The following EDARADD variants were observed in gnomAD, a reference collection of about 807,000 sequenced individuals.
The protein encoded by EDARADD is EDAR associated via death domain, also known as ectodysplasin-A receptor-associated adapter protein.
Under a neutral mutation model 25.6 loss-of-function variants are expected in EDARADD, and 20 were observed. The ratio of observed to expected loss-of-function variants is 0.78; its 90% confidence interval spans 0.55 to 1.14. EDARADD has a LOEUF of 1.14. EDARADD is among the 50% of genes most tolerant of loss of function. The pLI, the probability that EDARADD is intolerant of heterozygous loss-of-function variation, is 0.00. For missense variants in EDARADD, 225 were observed against 270.1 expected (o/e 0.83, Z 1.17); for synonymous variants, 86 against 94.4 (o/e 0.91, Z 0.52).
chr1:236,390,282 G>C (rs1194068087), upstream of EDARADD, among the ~76,000 whole-genome samples: 1 of 152,150 alleles, frequency 6.6e-6, no homozygotes, highest in Non-Finnish European at 1.5e-5. Flanking sequence ...ATGGCCGGGC[G>C]TGGTGGCTCA....
At chr1:236,367,089 A>C (rs1667119391) in intron 3 of EDARADD, among the ~76,000 whole-genome samples, 1 of 148,652 alleles carries the variant, frequency 6.7e-6, no homozygotes, top group Non-Finnish European at 1.5e-5. Context: ...ATCGCCAAAA[A>C]AAAAAAAAAA....
rs537189248 is a variant in EDARADD, at chr1:236,432,927, C to CAA, written c.219+5489_219+5490dup. On this transcript the variant is annotated intron_variant, in intron 4 of 5. Coordinates refer to ENST00000334232, the MANE Select transcript of EDARADD (RefSeq NM_145861.4). ...AGCATGGATGACAGAGCAAGACTCT[C>CAA]AAAAAAAAAAAAAGAAAGAAAGAAA... 5.1e-3 allele frequency among the ~76,000 whole-genome samples: 570 copies of CAA among 110,896 alleles called. 4 individuals are homozygous for CAA. The highest frequency in any genetic ancestry group is 0.017 in the African/African-American group (521 of 30,334). 72.8% of individuals were successfully genotyped at this position (110,896 alleles called of 152,430 possible).
At chr1:236,354,752 T>C (rs984729733) in intron 3 of EDARADD, among the ~76,000 whole-genome samples, 4 of 152,168 alleles carry the variant, frequency 2.6e-5, no homozygotes, top group Non-Finnish European at 5.9e-5. Flanking sequence ...TTTCAGCAAA[T>C]TGTAGAGACT....
Position 236,427,432 on chromosome 1 carries a change from T to C in EDARADD, c.201T>C (p.Asn67=). 1 of 1,612,288 alleles carries C rather than the reference T, an allele frequency of 6.2e-7. No individual in the cohort carries two copies. The highest frequency in any genetic ancestry group is 8.5e-7 in the Non-Finnish European group (1 of 1,179,330). Reference sequence around the variant, plus strand: ...CAATTACTTTGAACTGCCCACGAAATTCAGATATGAAAAATCAGGTAAGAA... The same window carrying C: ...CAATTACTTTGAACTGCCCACGAAACTCAGATATGAAAAATCAGGTAAGAA... ...CDTITLNCPR[N]SDMKNQGEEN... is the part of the protein sequence containing the mutation. The change falls in exon 4 of 6, where the codon AAT becomes AAC. Residue 67 remains asparagine (N), a synonymous_variant. Transcript: ENST00000334232.
chr1:236,379,548 G>A (rs1667273608), intron 3 of EDARADD, among the ~76,000 whole-genome samples: 1 of 151,986 alleles, frequency 6.6e-6, no homozygotes, highest in Non-Finnish European at 1.5e-5. Flanking sequence ...GGAGGCCGAG[G>A]CGGGCAGATC....
At position 236,425,634 on chromosome 1, in the gene EDARADD, G is replaced by A. The variant is rs141850092; in HGVS notation, c.161-1758G>A. Among the ~76,000 whole-genome samples the A allele has an allele frequency of 1.4e-3, 219 of 152,316 alleles. 1 individual carries two copies. The highest frequency in any genetic ancestry group is 0.01 in the Middle Eastern group (3 of 294). On this transcript the variant is annotated intron_variant, in intron 3 of 5. Transcript: ENST00000334232. ...GATAAGTGGGACTTAAGCAGCAACC[G>A]GTTAGGGGGATGTGCTACCACCGTC...
intron 3 of EDARADD, among the ~76,000 whole-genome samples, chr1:236,379,326 T>TG (rs1667267194): frequency 6.6e-6 from 1 of 151,894 alleles, no homozygotes; most frequent in African/African-American, 2.4e-5. Flanking sequence ...GCCCAGATCA[T>TG]GCCACTGCAC....
intron 5 of EDARADD, among the ~76,000 whole-genome samples, chr1:236,474,255 C>T (rs1659446434): frequency 6.6e-6 from 1 of 152,214 alleles, no homozygotes; most frequent in Admixed American, 6.5e-5. Flanking sequence ...TTCATTGTCA[C>T]TTCATCATGA....
chr1:236,394,265 T>C (rs1373709888), upstream of EDARADD: 2 of 630,784 alleles, frequency 3.2e-6, no homozygotes, highest in African/African-American at 1.8e-5. Context: ...TTAAAAAAAA[T>C]TTCCCTTCCT....
At chr1:236,390,690 G>T (rs1295918298), upstream of EDARADD, among the ~76,000 whole-genome samples, 2 of 152,158 alleles carry the variant, frequency 1.3e-5, no homozygotes, top group African/African-American at 2.4e-5. Flanking sequence ...GTATCAAAAG[G>T]ATTAAAGGGT....
In EDARADD at chr1:236,395,354, C is replaced by T; in HGVS notation, c.61+849C>T. 5.2e-6 allele frequency: 7 copies of T among 1,334,020 alleles called. No individual in the cohort carries two copies. The highest frequency in any genetic ancestry group is 1.6e-5 in the South Asian group (1 of 61,556). The allele number at this position is 1,334,020 out of a possible 1,614,324, so 82.6% of individuals were successfully genotyped here. On this transcript the variant is annotated intron_variant, in intron 1 of 5. Coordinates refer to ENST00000334232, the MANE Select transcript of EDARADD (RefSeq NM_145861.4). This position sits in a 1 kb window ranked among gnomAD's most constrained non-coding sequence, Gnocchi z 6.9. ...GTCCCAGCCCCGGGTCGCGGCACCCCGGCTCCCGCCCCGCGCCTCTGGAGG... is the reference window on the plus strand; with the variant it reads ...GTCCCAGCCCCGGGTCGCGGCACCCTGGCTCCCGCCCCGCGCCTCTGGAGG...
At chr1:236,353,341 C>T (rs900974177) in intron 3 of EDARADD, among the ~76,000 whole-genome samples, 3 of 152,272 alleles carry the variant, frequency 2.0e-5, no homozygotes, top group Admixed American at 1.3e-4. Context: ...GATTATTGGA[C>T]ACCCACTGTG....
intron 4 of EDARADD, among the ~76,000 whole-genome samples, chr1:236,430,259 T>C (rs1401169254): frequency 1.3e-5 from 2 of 152,240 alleles, no homozygotes; most frequent in Non-Finnish European, 2.9e-5. Flanking sequence ...GCTTCTGTGC[T>C]TACTGAATTT....
Position 236,484,435 on chromosome 1 carries a change from C to T in EDARADD, c.*1786C>T, listed in dbSNP as rs914741820. On this transcript the variant is annotated 3_prime_UTR_variant, in exon 6 of 6. Coordinates refer to ENST00000334232, the MANE Select transcript of EDARADD (RefSeq NM_145861.4). This position sits in a 1 kb window ranked among gnomAD's most constrained non-coding sequence, Gnocchi z 4.1. ...GAGCTGGGCAGCAAGGCTAAGTTTG[C>T]CGGCAGGAACTTCAGAAACCCCCCA... 6.8e-6 allele frequency: 11 copies of T among 1,609,820 alleles called. No homozygotes were observed. Among genetic ancestry groups the T allele is most frequent in the Non-Finnish European group, 9.3e-6 (11 of 1,177,970 alleles).
intron 5 of EDARADD, among the ~76,000 whole-genome samples, chr1:236,472,989 G>A (rs754459171): frequency 1.3e-5 from 2 of 152,082 alleles, no homozygotes; most frequent in African/African-American, 4.8e-5. Context: ...AGCTCTTTTC[G>A]GGCTGCTAAG....
intron 4 of EDARADD, among the ~76,000 whole-genome samples, chr1:236,444,241 C>T (rs1658474989): frequency 6.6e-6 from 1 of 151,844 alleles, no homozygotes; most frequent in South Asian, 2.1e-4. Flanking sequence ...GTTTTATTAA[C>T]TATGTTTTAT....
intron 3 of EDARADD, among the ~76,000 whole-genome samples, chr1:236,419,260 G>A (rs1657718834): frequency 6.6e-6 from 1 of 152,118 alleles, no homozygotes; most frequent in Non-Finnish European, 1.5e-5. Flanking sequence ...TGAGTGTAGT[G>A]GTGCACACCT....
chr1:236,421,101 C>T (rs1235837176), intron 3 of EDARADD, among the ~76,000 whole-genome samples: 1 of 147,158 alleles, frequency 6.8e-6, no homozygotes, highest in African/African-American at 2.5e-5. Flanking sequence ...CTTAGGGTTA[C>T]AGGGATGGCC....
chr1:236,471,141 T>G (rs1275446311), intron 5 of EDARADD, among the ~76,000 whole-genome samples: 1 of 152,206 alleles, frequency 6.6e-6, no homozygotes, highest in Non-Finnish European at 1.5e-5. Flanking sequence ...CCAACATGAT[T>G]TACTTGCCTG....
Sources: allele counts gnomAD v4.1 joint callset (sites outside exome capture counted in the v4.1 genomes callset), GRCh38; gene constraint gnomAD v4.1.1; non-coding constraint Gnocchi (gnomAD v3.1); transcripts MANE v1.5; gene names NCBI Gene and HGNC (gene_info 2026-07-23, HGNC 2026-07-21).